The following GAS7 variants were observed in gnomAD, a reference collection of about 807,000 sequenced individuals.
The protein encoded by GAS7 is growth arrest-specific protein 7.
A neutral mutation model predicts 71.1 loss-of-function variants in GAS7; 28 were observed. That is an observed-to-expected ratio of 0.39 (90% confidence interval 0.29 to 0.54). The LOEUF (loss-of-function observed/expected upper bound fraction) is 0.54, where lower values mean the gene tolerates loss of function less well. Among genes scored for constraint, GAS7 ranks in the 20% least tolerant of loss-of-function variants. GAS7 has a pLI of 0.62. For missense variants in GAS7, 436 were observed against 627.8 expected, an observed-to-expected ratio of 0.69 and a Z score of 3.27; for synonymous variants, 258 against 245.8, an observed-to-expected ratio of 1.05 and a Z score of -0.46.
Position 10,070,570 on chromosome 17 carries a change from G to A in GAS7, c.184-50673C>T, listed in dbSNP as rs539830054. On this transcript the variant is annotated intron_variant, in intron 1 of 13. Transcript: ENST00000432992. The stretch of plus-strand genomic sequence containing the variant: ...GTAGAGACGGGGTTTCACCATGTTC[G>A]CCAGGCTGGTCTCGAACTCCTGACC... Among the ~76,000 whole-genome samples, 511 of 151,826 alleles carry A rather than the reference G, an allele frequency of 3.4e-3. 2 individuals are homozygous for A. Among genetic ancestry groups the A allele is most frequent in the South Asian group, 0.01 (50 of 4,806 alleles).
intron 1 of GAS7, among the ~76,000 whole-genome samples, chr17:10,063,228 A>G (rs1181714850): frequency 6.6e-6 from 1 of 152,246 alleles, no homozygotes; most frequent in Admixed American, 6.5e-5. Context: ...GCCTACCTCC[A>G]TCAAAATAAT....
In GAS7 at chr17:10,085,709, AG is replaced by A. The variant is rs67336129; in HGVS notation, c.184-65813del. On this transcript the variant is annotated intron_variant, in intron 1 of 13. Coordinates refer to ENST00000432992, the MANE Select transcript of GAS7 (RefSeq NM_201433.2). ...TCCGTCTCAAAAAAAAAAAAAAAAA[AG>A]AAAGAAAGAAAGAAAGAAAGAGGAA... 3.7e-3 allele frequency among the ~76,000 whole-genome samples: 489 copies of A among 130,418 alleles called. 4 individuals are homozygous for A. The highest frequency in any genetic ancestry group is 0.014 in the African/African-American group (440 of 32,456). 85.6% of individuals were successfully genotyped at this position (130,418 alleles called of 152,430 possible).
intron 2 of GAS7, among the ~76,000 whole-genome samples, chr17:9,990,884 G>C (rs1476635774): frequency 2.0e-5 from 3 of 152,160 alleles, no homozygotes; most frequent in Non-Finnish European, 4.4e-5. Flanking sequence ...GTTATTAAGA[G>C]CTCTGGCGCT....
chr17:10,182,457 G>A (rs978370317), intron 1 of GAS7, among the ~76,000 whole-genome samples: 30 of 152,110 alleles, frequency 2.0e-4, no homozygotes, highest in Admixed American at 8.5e-4. Flanking sequence ...ACCGCACCCG[G>A]CCTTATTCCC....
chr17:10,154,640 G>A (rs1051163490), intron 1 of GAS7, among the ~76,000 whole-genome samples: 1 of 152,128 alleles, frequency 6.6e-6, no homozygotes, highest in Non-Finnish European at 1.5e-5. Context: ...TAGTGAGACT[G>A]CCGCCCAACC....
chr17:10,076,361 G>A (rs2073393620), intron 1 of GAS7, among the ~76,000 whole-genome samples: 1 of 87,476 alleles, frequency 1.1e-5, no homozygotes, highest in African/African-American at 4.7e-5. Flanking sequence ...GAAATGCAAG[G>A]GGGACAGAAA....
chr17:10,043,253 G>C (rs2072899150), intron 1 of GAS7, among the ~76,000 whole-genome samples: 1 of 152,126 alleles, frequency 6.6e-6, no homozygotes, highest in East Asian at 1.9e-4. Context: ...TCAAAGGCAA[G>C]AACCAGGTCT....
intron 3 of GAS7, among the ~76,000 whole-genome samples, chr17:9,973,975 AC>A (rs2070079009): frequency 6.6e-6 from 1 of 150,754 alleles, no homozygotes; most frequent in Non-Finnish European, 1.5e-5. Flanking sequence ...GGAGACCCTG[AC>A]TCCCTCCCTC....
At chr17:10,138,267 A>G (rs2074055130) in intron 1 of GAS7, among the ~76,000 whole-genome samples, 1 of 152,104 alleles carries the variant, frequency 6.6e-6, no homozygotes, top group South Asian at 2.1e-4. Context: ...ATCCGGCCAA[A>G]GTTCTTTTAC....
At chr17:10,149,727 G>A (rs114119126) in intron 1 of GAS7, among the ~76,000 whole-genome samples, 2,395 of 152,276 alleles carry the variant, frequency 0.016, 75 homozygotes, top group African/African-American at 0.055. Context: ...CAGGTAAAAC[G>A]TGGCATATCG....
chr17:10,117,414 G>A (rs1312048378), intron 1 of GAS7, among the ~76,000 whole-genome samples: 2 of 152,168 alleles, frequency 1.3e-5, no homozygotes, highest in East Asian at 3.8e-4. Context: ...AGATTAGAAG[G>A]TAGACATCTT....
At chr17:9,970,299 C>G (rs1242827653) in intron 3 of GAS7, among the ~76,000 whole-genome samples, 1 of 152,100 alleles carries the variant, frequency 6.6e-6, no homozygotes, top group African/African-American at 2.4e-5. Flanking sequence ...TGATCATATG[C>G]ACTTCATTCT....
intron 8 of GAS7, among the ~76,000 whole-genome samples, chr17:9,936,136 A>G (rs908119446): frequency 2.0e-5 from 3 of 152,196 alleles, no homozygotes; most frequent in Admixed American, 6.5e-5. Flanking sequence ...CCATACACAC[A>G]AATTATCTCA....
chr17:9,923,020 T>G (rs2067873401), intron 11 of GAS7, among the ~76,000 whole-genome samples: 1 of 152,218 alleles, frequency 6.6e-6, no homozygotes, highest in Non-Finnish European at 1.5e-5. Flanking sequence ...GCGATTCTCC[T>G]GCTTTGGCCT....
At chr17:10,159,728 A>G (rs1275378105) in intron 1 of GAS7, among the ~76,000 whole-genome samples, 1 of 151,500 alleles carries the variant, frequency 6.6e-6, no homozygotes, top group Non-Finnish European at 1.5e-5. Flanking sequence ...GTAGATGCTC[A>G]TTACAAGAGT....
Position 10,103,035 on chromosome 17 carries a change from G to A in GAS7, c.184-83138C>T, listed in dbSNP as rs2073720396. The stretch of plus-strand genomic sequence containing the variant: ...CAGCATTCCTGTCGCCTAGAAGCTT[G>A]TTAGAAATGCAGAATCTGCATTTTA... On this transcript the variant is annotated intron_variant, in intron 1 of 13. Coordinates refer to ENST00000432992, the MANE Select transcript of GAS7 (RefSeq NM_201433.2). This position sits in a 1 kb window ranked among gnomAD's most constrained non-coding sequence, Gnocchi z 5.5. Among the ~76,000 whole-genome samples, 1 of 152,190 alleles carries A rather than the reference G, an allele frequency of 6.6e-6. No homozygotes were observed. The highest frequency in any genetic ancestry group is 6.5e-5 in the Admixed American group (1 of 15,278).
chr17:9,966,704 T>C (rs1019634612), intron 4 of GAS7, among the ~76,000 whole-genome samples: 5 of 152,068 alleles, frequency 3.3e-5, no homozygotes, highest in African/African-American at 1.2e-4. Flanking sequence ...GGACAAAAAG[T>C]AGTAGCTAGC....
intron 2 of GAS7, among the ~76,000 whole-genome samples, chr17:9,997,146 G>A (rs999515117): frequency 2.0e-5 from 3 of 150,520 alleles, no homozygotes; most frequent in Non-Finnish European, 4.4e-5. Flanking sequence ...CTATTTGAAC[G>A]ATGGGAGAAC....
At chr17:9,992,520 C>T (rs1044659913) in intron 2 of GAS7, among the ~76,000 whole-genome samples, 11 of 150,506 alleles carry the variant, frequency 7.3e-5, no homozygotes, top group African/African-American at 1.7e-4. Flanking sequence ...CAGCAGGAGT[C>T]GGGGAGGTGT....
Sources: allele counts gnomAD v4.1 joint callset (sites outside exome capture counted in the v4.1 genomes callset), GRCh38; gene constraint gnomAD v4.1.1; non-coding constraint Gnocchi (gnomAD v3.1); transcripts MANE v1.5; gene names NCBI Gene and HGNC (gene_info 2026-07-23, HGNC 2026-07-21).